WDPCP: variants seen among roughly 807,000 people sequenced by gnomAD.
WDPCP encodes the protein WD repeat-containing and planar cell polarity effector protein fritz homolog.
In WDPCP, 71 loss-of-function variants were observed where a neutral mutation model predicts 93.1. The observed-to-expected ratio is 0.76, with a 90% CI of 0.63 to 0.93. The LOEUF (loss-of-function observed/expected upper bound fraction) is 0.93. WDPCP is among the 40% of genes least tolerant of loss of function. The pLI is 0.00. For synonymous variants in WDPCP, 315 were observed against 315.0 expected (o/e 1.00, Z 0.00); for missense variants, 844 against 887.4 (o/e 0.95, Z 0.62).
At chr2:63,434,753 G>C (rs1697022032) in intron 8 of WDPCP, among the ~76,000 whole-genome samples, 2 of 152,108 alleles carry the variant, frequency 1.3e-5, no homozygotes, top group South Asian at 4.1e-4. Flanking sequence ...CACTAGCAAA[G>C]GGCAGGGGGT....
intron 3 of WDPCP, among the ~76,000 whole-genome samples, chr2:63,619,459 A>G (rs1290013575): frequency 1.3e-5 from 2 of 152,192 alleles, no homozygotes; most frequent in Non-Finnish European, 2.9e-5. Context: ...TTTTTGGTAC[A>G]GCTAACTCAT....
At chr2:63,289,683 G>T (rs1430887594) in intron 13 of WDPCP, among the ~76,000 whole-genome samples, 1 of 151,914 alleles carries the variant, frequency 6.6e-6, no homozygotes, top group East Asian at 1.9e-4. Context: ...GATCAAGTTG[G>T]TTCACATATT....
At chr2:63,413,121 A>C (rs910882156) in intron 9 of WDPCP, among the ~76,000 whole-genome samples, 6 of 152,216 alleles carry the variant, frequency 3.9e-5, no homozygotes, top group Non-Finnish European at 4.4e-5. Context: ...ATTTCAAACT[A>C]TACTATAAGG....
chr2:63,453,293 C>T (rs531939360), intron 6 of WDPCP, among the ~76,000 whole-genome samples: 33 of 151,908 alleles, frequency 2.2e-4, no homozygotes, highest in Non-Finnish European at 3.2e-4. Flanking sequence ...GGATATGAAC[C>T]GACACTTCTC....
At chr2:63,478,208 A>G (rs538165027) in intron 6 of WDPCP, among the ~76,000 whole-genome samples, 2 of 152,146 alleles carry the variant, frequency 1.3e-5, no homozygotes, top group Non-Finnish European at 2.9e-5. Context: ...TATTCGACCT[A>G]AGAAATTAGA....
intron 13 of WDPCP, among the ~76,000 whole-genome samples, chr2:63,293,030 T>G (rs972622683): frequency 6.6e-6 from 1 of 152,162 alleles, no homozygotes; most frequent in African/African-American, 2.4e-5. Flanking sequence ...CTCTGTGAAT[T>G]GATGCTTGAT....
At chr2:63,299,575 C>T (rs1392668448) in intron 13 of WDPCP, among the ~76,000 whole-genome samples, 1 of 152,174 alleles carries the variant, frequency 6.6e-6, no homozygotes, top group East Asian at 1.9e-4. Flanking sequence ...CACATTTGGC[C>T]AGTCTGGGCA....
At chr2:63,678,276 A>G (rs551460235) in intron 2 of WDPCP, among the ~76,000 whole-genome samples, 1 of 152,292 alleles carries the variant, frequency 6.6e-6, no homozygotes, top group Non-Finnish European at 1.5e-5. Context: ...AAAAGGGAAG[A>G]GCAAAAGGCT....
At chr2:63,750,000 G>A (rs759668156) in intron 2 of WDPCP, among the ~76,000 whole-genome samples, 1 of 152,072 alleles carries the variant, frequency 6.6e-6, no homozygotes, top group African/African-American at 2.4e-5. Flanking sequence ...GTTTGAAATA[G>A]TTTTTGAGAT....
intron 15 of WDPCP, among the ~76,000 whole-genome samples, chr2:63,163,417 A>G (rs1454487924): frequency 6.6e-6 from 1 of 152,198 alleles, no homozygotes; most frequent in Non-Finnish European, 1.5e-5. Flanking sequence ...TTCTGGTTTT[A>G]TAGGCAGCAA....
At chr2:63,254,467 G>T (rs1484719400) in intron 14 of WDPCP, among the ~76,000 whole-genome samples, 1 of 151,950 alleles carries the variant, frequency 6.6e-6, no homozygotes, top group Non-Finnish European at 1.5e-5. Flanking sequence ...GACCAAATAA[G>T]GTAATGTTTG....
intron 2 of WDPCP, among the ~76,000 whole-genome samples, chr2:63,692,721 T>C (rs1260827446): frequency 6.6e-6 from 1 of 152,216 alleles, no homozygotes; most frequent in Non-Finnish European, 1.5e-5. Context: ...ATAAGCTTCA[T>C]TCTGAAAAAT....
intron 15 of WDPCP, among the ~76,000 whole-genome samples, chr2:63,160,001 A>G (rs958042450): frequency 6.6e-6 from 1 of 152,186 alleles, no homozygotes; most frequent in Non-Finnish European, 1.5e-5. Flanking sequence ...GTTGCACTTG[A>G]CTAGGCCCAA....
intron 14 of WDPCP, among the ~76,000 whole-genome samples, chr2:63,220,218 T>C (rs1677701816): frequency 1.3e-5 from 2 of 152,182 alleles, no homozygotes; most frequent in African/African-American, 4.8e-5. Flanking sequence ...AACTGATTGA[T>C]TCCCATTATC....
Position 63,484,642 on chromosome 2 carries a change from A to C in WDPCP, c.346T>G (p.Cys116Gly), listed in dbSNP as rs779260550. The stretch of plus-strand genomic sequence containing the variant: ...TTGTTCTTCCATTTGCTCAGCACAC[A>C]CCGACTGTTTTGCATCAGCTCCTGA... ...ELEELMQNSR[C>G]VLSKWKNKYV... The change falls in exon 6 of 18, where the codon TGT (cysteine) becomes GGT (glycine). Residue 116 changes from cysteine (C) to glycine (G), a missense_variant. Coordinates refer to ENST00000272321, the MANE Select transcript of WDPCP (RefSeq NM_015910.7). The C allele has an allele frequency of 8.7e-6, 14 of 1,612,942 alleles. No homozygotes were observed. Among genetic ancestry groups the C allele is most frequent in the Middle Eastern group, 3.3e-4 (2 of 6,056 alleles).
intron 14 of WDPCP, among the ~76,000 whole-genome samples, chr2:63,223,294 A>C (rs1677995258): frequency 6.6e-6 from 1 of 152,150 alleles, no homozygotes; most frequent in Admixed American, 6.6e-5. Context: ...ACAGATGGCA[A>C]TCAGCAAAGA....
chr2:63,817,670 C>A (rs2104112839), intron 1 of WDPCP, among the ~76,000 whole-genome samples: 1 of 152,106 alleles, frequency 6.6e-6, no homozygotes, highest in South Asian at 2.1e-4. Context: ...AGACAGTCTG[C>A]AAAGCTGAAA....
chr2:63,231,822 A>G (rs1046388479), intron 14 of WDPCP, among the ~76,000 whole-genome samples: 1 of 152,184 alleles, frequency 6.6e-6, no homozygotes, highest in African/African-American at 2.4e-5. Context: ...CAGAATTGGA[A>G]AAAACTACTT....
chr2:63,790,120 A>G (rs1670525367), intron 2 of WDPCP, among the ~76,000 whole-genome samples: 1 of 152,206 alleles, frequency 6.6e-6, no homozygotes, highest in Non-Finnish European at 1.5e-5. Flanking sequence ...TAACTGCTTC[A>G]TAATGGAGCT....
Sources: gnomAD v4.1 joint callset for allele counts (sites outside exome capture counted in the v4.1 genomes callset) on GRCh38, gnomAD v4.1.1 for gene constraint, MANE v1.5 for transcripts, NCBI Gene and HGNC (gene_info 2026-07-23, HGNC 2026-07-21) for gene names.